ITFG1: variants seen among roughly 807,000 people sequenced by gnomAD.
The protein encoded by ITFG1 is T-cell immunomodulatory protein.
Under a neutral mutation model 81.8 loss-of-function variants are expected in ITFG1, and 34 were observed. The ratio of observed to expected loss-of-function variants is 0.42; its 90% CI spans 0.32 to 0.55. The LOEUF is 0.55. Among genes scored for constraint, ITFG1 ranks in the 20% least tolerant of loss-of-function variants. The pLI is 0.17. For missense variants in ITFG1, 672 were observed against 755.4 expected (o/e 0.89, Z 1.29); for synonymous variants, 285 against 270.6 (o/e 1.05, Z -0.52).
chr16:47,201,070 C>G (rs1157242745), intron 14 of ITFG1, among the ~76,000 whole-genome samples: 2 of 152,150 alleles, frequency 1.3e-5, no homozygotes, highest in Non-Finnish European at 2.9e-5. Context: ...AATATTTGTT[C>G]TCTACAGATT....
chr16:47,422,850 G>A (rs990674098), intron 6 of ITFG1, among the ~76,000 whole-genome samples: 1 of 151,988 alleles, frequency 6.6e-6, no homozygotes, highest in African/African-American at 2.4e-5. Context: ...CCAATTATGT[G>A]GTCAATTTTA....
At position 47,258,648 on chromosome 16, in the gene ITFG1, A is replaced by G. The variant is rs772272707; in HGVS notation, c.1314T>C (p.Tyr438=). The G allele has an allele frequency of 2.1e-6, 3 of 1,449,320 alleles. No individual in the cohort carries two copies. Among genetic ancestry groups the G allele is most frequent in the Non-Finnish European group, 2.9e-6 (3 of 1,041,906 alleles). The allele number at this position is 1,449,320 out of a possible 1,614,324, so 89.8% of individuals were successfully genotyped here. ...TTTACTCACCAATAACTTTAACAAA[A>G]TAAGCATCTGCTTCAAAGTTATTTT... ...TLKNNFEADA[Y]FVKVIVLSGL... Residue 438 remains tyrosine, a synonymous_variant, in exon 12 of 18, where the codon TAT becomes TAC. Transcript: ENST00000320640.
At chr16:47,191,392 GT>G (rs752005466) in intron 14 of ITFG1, among the ~76,000 whole-genome samples, 109 of 142,862 alleles carry the variant, frequency 7.6e-4, no homozygotes, top group Non-Finnish European at 9.7e-4. Context: ...AACATCATGA[GT>G]TTTTTTTTTT....
chr16:47,316,781 A>C (rs573093715), intron 8 of ITFG1, among the ~76,000 whole-genome samples: 14 of 152,334 alleles, frequency 9.2e-5, no homozygotes, highest in African/African-American at 3.1e-4. Flanking sequence ...AAGTACTTTT[A>C]ACATGGGAAA....
At chr16:47,307,741 C>T (rs958121911) in intron 10 of ITFG1, among the ~76,000 whole-genome samples, 1 of 152,124 alleles carries the variant, frequency 6.6e-6, no homozygotes, top group African/African-American at 2.4e-5. Context: ...GATCCCATCA[C>T]CCAGGTACTG....
Position 47,354,121 on chromosome 16 carries a change from T to TG in ITFG1, c.802+11666dup, listed in dbSNP as rs1968005948. On this transcript the variant is annotated intron_variant, in intron 8 of 17. Transcript: ENST00000320640. Reference sequence around the variant, plus strand: ...TAATCTTAAGCAAAAAGAACAAAGCTGGGGGGCACCATAATACCTTACTTT... The same window carrying TG: ...TAATCTTAAGCAAAAAGAACAAAGCTGGGGGGGCACCATAATACCTTACTTT... Among the ~76,000 whole-genome samples, 3 of 152,134 alleles carry TG rather than the reference T, an allele frequency of 2.0e-5. No individual in the cohort carries two copies. The South Asian group carries it at 6.2e-4, about 31-fold the overall frequency.
At chr16:47,347,391 G>A (rs1204386941) in intron 8 of ITFG1, among the ~76,000 whole-genome samples, 1 of 152,380 alleles carries the variant, frequency 6.6e-6, no homozygotes, top group South Asian at 2.1e-4. Context: ...CACACCAGGA[G>A]ATTATATCCT....
At chr16:47,164,886 G>C (rs955306650) in intron 14 of ITFG1, among the ~76,000 whole-genome samples, 13 of 152,230 alleles carry the variant, frequency 8.5e-5, no homozygotes, top group African/African-American at 3.1e-4. Flanking sequence ...CAGTTGAGAA[G>C]GGGGGCAGGA....
At chr16:47,395,708 G>C (rs1270366112) in intron 6 of ITFG1, among the ~76,000 whole-genome samples, 2 of 152,158 alleles carry the variant, frequency 1.3e-5, no homozygotes, top group African/African-American at 4.8e-5. Context: ...TTTATAGTAA[G>C]AGCCGAGTAT....
intron 6 of ITFG1, among the ~76,000 whole-genome samples, chr16:47,418,967 G>T (rs557053101): frequency 6.6e-6 from 1 of 152,242 alleles, no homozygotes; most frequent in South Asian, 2.1e-4. Flanking sequence ...CACTGAATTT[G>T]TAGATTGCTT....
intron 14 of ITFG1, among the ~76,000 whole-genome samples, chr16:47,176,818 T>C (rs1258566391): frequency 1.3e-5 from 2 of 152,344 alleles, no homozygotes; most frequent in Middle Eastern, 3.4e-3. Context: ...GTAATCAGTA[T>C]TCTATTAAAG....
At chr16:47,380,541 T>C (rs543786826) in intron 6 of ITFG1, among the ~76,000 whole-genome samples, 2 of 152,312 alleles carry the variant, frequency 1.3e-5, no homozygotes, top group South Asian at 4.1e-4. Flanking sequence ...GGACACGTAC[T>C]GGCAGGAGCC....
intron 7 of ITFG1, among the ~76,000 whole-genome samples, chr16:47,373,373 C>T (rs1252381307): frequency 6.6e-6 from 1 of 152,162 alleles, no homozygotes; most frequent in Non-Finnish European, 1.5e-5. Context: ...ACCTCCACCT[C>T]CCAGGATCAA....
At chr16:47,292,978 C>T (rs1418787673) in intron 10 of ITFG1, among the ~76,000 whole-genome samples, 1 of 150,598 alleles carries the variant, frequency 6.6e-6, no homozygotes, top group Admixed American at 6.6e-5. Flanking sequence ...GTGAAAAAGA[C>T]ATGACTTCAT....
intron 5 of ITFG1, among the ~76,000 whole-genome samples, chr16:47,440,449 C>T (rs886328454): frequency 6.6e-6 from 1 of 152,128 alleles, no homozygotes; most frequent in African/African-American, 2.4e-5. Context: ...AAGCACTTCT[C>T]ATCAAATGTA....
chr16:47,180,883 A>C (rs1001492153), intron 14 of ITFG1, among the ~76,000 whole-genome samples: 1 of 141,542 alleles, frequency 7.1e-6, no homozygotes, highest in Non-Finnish European at 1.5e-5. Context: ...CTGGCTGCCC[A>C]GTCTGGAAAG....
chr16:47,366,806 A>C (rs1596933914), intron 7 of ITFG1, among the ~76,000 whole-genome samples: 1 of 152,160 alleles, frequency 6.6e-6, no homozygotes, highest in Admixed American at 6.5e-5. Flanking sequence ...GATACTGTAG[A>C]TCTGTCTGAG....
At chr16:47,300,835 G>A (rs1441488412) in intron 10 of ITFG1, among the ~76,000 whole-genome samples, 2 of 152,272 alleles carry the variant, frequency 1.3e-5, no homozygotes, top group African/African-American at 2.4e-5. Context: ...TCCTTTGTAA[G>A]TATAGACAAA....
chr16:47,313,213 C>G (rs546552468), intron 9 of ITFG1: 1 of 152,110 alleles, frequency 6.6e-6, no homozygotes, highest in Non-Finnish European at 1.5e-5. Context: ...AAAGTCAATA[C>G]GTTATTCTAT....
Sources: gnomAD v4.1 joint callset for allele counts (sites outside exome capture counted in the v4.1 genomes callset) on GRCh38, gnomAD v4.1.1 for gene constraint, MANE v1.5 for transcripts, NCBI Gene and HGNC (gene_info 2026-07-23, HGNC 2026-07-21) for gene names.